TEX11: variants seen among roughly 807,000 people sequenced by gnomAD.
The protein encoded by TEX11 is testis-expressed protein 11.
In TEX11, 7 loss-of-function variants were observed where a neutral mutation model predicts 84.4. That is an observed-to-expected ratio of 0.08 (90% CI 0.05 to 0.16). The LOEUF is 0.16. Ranked by LOEUF, TEX11 falls within the 10% of genes least tolerant of loss-of-function variation. TEX11 has a pLI of 1.00. For missense variants in TEX11, 551 were observed against 660.5 expected (o/e 0.83, Z 1.82); for synonymous variants, 264 against 222.8 (o/e 1.18, Z -1.64).
chrX:70,652,083 C>T (rs1207618657), intron 16 of TEX11, among the ~76,000 whole-genome samples: 1 of 110,957 alleles, frequency 9.0e-6, no homozygotes, highest in African/African-American at 3.3e-5. Context: ...TGGAAAACTG[C>T]AAATAAAGTT....
intron 5 of TEX11, chrX:70,857,576 C>A: frequency 3.7e-6 from 1 of 267,823 alleles, no homozygotes; most frequent in South Asian, 4.4e-5. Flanking sequence ...CAAGATATGT[C>A]ATATATCTCA....
chrX:70,777,756 C>CA (rs1309223788), intron 9 of TEX11, among the ~76,000 whole-genome samples: 1 of 109,833 alleles, frequency 9.1e-6, no homozygotes, highest in Non-Finnish European at 1.9e-5. Flanking sequence ...CTGATACACA[C>CA]AAAATAAAGA....
At chrX:70,754,348 G>A (rs992735399) in intron 9 of TEX11, among the ~76,000 whole-genome samples, 1 of 111,572 alleles carries the variant, frequency 9.0e-6, no homozygotes, top group African/African-American at 3.3e-5. Context: ...CACAAGGTGA[G>A]GTTCCTCTGC....
intron 13 of TEX11, among the ~76,000 whole-genome samples, chrX:70,703,258 G>C (rs1352114759): frequency 9.0e-6 from 1 of 111,664 alleles, no homozygotes; most frequent in Non-Finnish European, 1.9e-5. Context: ...ACCTATCATA[G>C]TTTATAACTT....
chrX:70,704,777 C>T (rs1272318483), intron 13 of TEX11, among the ~76,000 whole-genome samples: 5 of 110,290 alleles, frequency 4.5e-5, no homozygotes, highest in East Asian at 2.8e-4. Context: ...TTACTTTTAT[C>T]GTTTATGACA....
At position 70,897,804 on chromosome X, in the gene TEX11, G is replaced by A. The variant is rs183268620; in HGVS notation, c.37+9949C>T. ...TAATGATAACCAAGTACTTTGTTAA[G>A]CACCAAAGATATGACATGAACAAGA... On this transcript the variant is annotated intron_variant, in intron 2 of 29. Transcript: ENST00000374333. Among the ~76,000 whole-genome samples the A allele has an allele frequency of 4.9e-3, 551 of 111,675 alleles. 1 individual carries two copies. The highest frequency in any genetic ancestry group is 7.9e-3 in the Non-Finnish European group (422 of 53,093).
At chrX:70,530,079 T>C (rs2087866224) in intron 28 of TEX11, 80 bp from the exon 29 acceptor site, 2 of 885,108 alleles carry the variant, frequency 2.3e-6, no homozygotes, top group East Asian at 6.2e-5. Context: ...GCTATGTCCC[T>C]TTATTACTAA....
intron 9 of TEX11, among the ~76,000 whole-genome samples, chrX:70,795,826 CAT>C (rs1569443759): frequency 9.0e-6 from 1 of 111,527 alleles, no homozygotes; most frequent in Admixed American, 9.6e-5. Flanking sequence ...TGACCAAAAA[CAT>C]AGCACACAAC....
At chrX:70,523,809 C>T in the TEX11 span, among the ~76,000 whole-genome samples, 1 of 103,381 alleles carries the variant, frequency 9.7e-6, no homozygotes, top group South Asian at 4.7e-4. Flanking sequence ...ATTTCACAAG[C>T]TTTAGACAAG....
intron 25 of TEX11, among the ~76,000 whole-genome samples, chrX:70,567,132 G>A (rs2088497660): frequency 9.0e-6 from 1 of 111,060 alleles, no homozygotes; most frequent in Admixed American, 9.6e-5. Flanking sequence ...TTTAGTCTTG[G>A]GAGGGTGTAT....
chrX:70,900,391 A>G (rs2091796169), intron 2 of TEX11, among the ~76,000 whole-genome samples: 1 of 50,733 alleles, frequency 2.0e-5, no homozygotes, highest in African/African-American at 5.2e-5. Context: ...AAAAAAAAAA[A>G]AAAAAAGAAG....
chrX:70,620,718 G>A (rs2089373918), intron 20 of TEX11, among the ~76,000 whole-genome samples: 1 of 112,397 alleles, frequency 8.9e-6, no homozygotes, highest in African/African-American at 3.2e-5. Context: ...TTCAGTAGGT[G>A]AATGGATAAA....
At chrX:70,631,289 A>G (rs372577855) in intron 17 of TEX11, among the ~76,000 whole-genome samples, 1 of 112,530 alleles carries the variant, frequency 8.9e-6, no homozygotes, top group East Asian at 2.7e-4. Context: ...AAAGTCATAC[A>G]AAGTATGATC....
At chrX:70,713,778 T>C (rs1196387395) in intron 13 of TEX11, among the ~76,000 whole-genome samples, 1 of 111,784 alleles carries the variant, frequency 8.9e-6, no homozygotes, top group African/African-American at 3.2e-5. Flanking sequence ...GGCTTTTTTG[T>C]GTCTCTATTT....
At chrX:70,572,744 C>G (rs1402433216) in intron 25 of TEX11, among the ~76,000 whole-genome samples, 2 of 105,815 alleles carry the variant, frequency 1.9e-5, no homozygotes, top group Non-Finnish European at 3.9e-5. Context: ...AGCAAACTAT[C>G]GCAAGGACAA....
At chrX:70,570,488 G>A (rs1047755348) in intron 25 of TEX11, among the ~76,000 whole-genome samples, 5 of 112,149 alleles carry the variant, frequency 4.5e-5, no homozygotes, top group Middle Eastern at 4.2e-3. Context: ...GAAATCACCC[G>A]TCTTCTGCGT....
At chrX:70,649,421 T>C (rs1184203138) in intron 17 of TEX11, among the ~76,000 whole-genome samples, 1 of 112,316 alleles carries the variant, frequency 8.9e-6, no homozygotes, top group African/African-American at 3.2e-5. Flanking sequence ...ATGGCTAAAT[T>C]TTTTTAAGTG....
intron 9 of TEX11, among the ~76,000 whole-genome samples, chrX:70,788,957 TATATATATATATATATAGAG>T (rs1334969635): frequency 4.2e-4 from 18 of 43,080 alleles, no homozygotes; most frequent in Non-Finnish European, 5.2e-4. Flanking sequence ...TATATATATA[TATATATATATATATATAGAG>T]AGAGAGAGAG....
At chrX:70,552,312 A>G in intron 27 of TEX11, 66 bp from the exon 28 acceptor site, 1 of 1,156,863 alleles carries the variant, frequency 8.6e-7, no homozygotes. Flanking sequence ...GGCTAAGATA[A>G]GTAAAACCTG....
Sources: allele counts gnomAD v4.1 joint callset (sites outside exome capture counted in the v4.1 genomes callset), GRCh38; gene constraint gnomAD v4.1.1; transcripts MANE v1.5; gene names NCBI Gene and HGNC (gene_info 2026-07-23, HGNC 2026-07-21).